The following COBLL1 variants were observed in gnomAD, a reference collection of about 807,000 sequenced individuals.
The protein encoded by COBLL1 is cordon-bleu protein-like 1.
In COBLL1, 50 loss-of-function variants were observed where a neutral mutation model predicts 94.8. That is an observed-to-expected ratio of 0.53 (90% CI 0.42 to 0.67). The LOEUF (loss-of-function observed/expected upper bound fraction) is 0.67. COBLL1 is among the 30% of genes least tolerant of loss of function. The pLI is 0.00. For synonymous variants in COBLL1, 448 were observed against 473.8 expected, an observed-to-expected ratio of 0.95 and a Z score of 0.71; for missense variants, 1,362 against 1,348.7, an observed-to-expected ratio of 1.01 and a Z score of -0.15.
At chr2:164,703,024 A>G in intron 9 of COBLL1, 1 of 766,980 alleles carries the variant, frequency 1.3e-6, no homozygotes, top group Admixed American at 2.4e-5. Context: ...CAAGGTTTCA[A>G]TAGCTCATCA....
At chr2:164,707,110 C>T (rs575999454) in intron 7 of COBLL1, among the ~76,000 whole-genome samples, 13 of 152,048 alleles carry the variant, frequency 8.5e-5, no homozygotes, top group African/African-American at 2.9e-4. Context: ...TCTGATAACT[C>T]GGTGTCCCTT....
At chr2:164,675,851 C>G (rs1411310488), downstream of COBLL1, among the ~76,000 whole-genome samples, 1 of 152,158 alleles carries the variant, frequency 6.6e-6, no homozygotes, top group Non-Finnish European at 1.5e-5. Context: ...AACATAAGCA[C>G]TGGCCACCTG....
chr2:164,792,964 A>T lies in COBLL1; in HGVS notation c.41+48192T>A, dbSNP rs1232651614. Among the ~76,000 whole-genome samples the T allele has an allele frequency of 2.6e-5, 4 of 152,102 alleles. No individual in the cohort carries two copies. In the East Asian group the frequency reaches 7.7e-4, roughly 29 times the overall value. Reference sequence around the variant, plus strand: ...CAGACACACCCTACAGTTCCTCCCCATAAAAATTCTTACCCCAAAACTCCA... The same window carrying T: ...CAGACACACCCTACAGTTCCTCCCCTTAAAAATTCTTACCCCAAAACTCCA... On this transcript the variant is annotated intron_variant, in intron 2 of 13. Transcript: ENST00000652658.
At chr2:164,730,146 A>C in intron 3 of COBLL1, 31 bp from the exon 4 acceptor site, 1 of 1,562,716 alleles carries the variant, frequency 6.4e-7, no homozygotes, top group Non-Finnish European at 8.8e-7. Flanking sequence ...ATTACCCGTT[A>C]TTGTTTTGAG....
intron 2 of COBLL1, among the ~76,000 whole-genome samples, chr2:164,792,817 C>T (rs750218930): frequency 2.6e-5 from 4 of 152,124 alleles, no homozygotes; most frequent in Non-Finnish European, 2.9e-5. Context: ...TCCTCAAACA[C>T]GCCTGTCCTG....
chr2:164,727,133 T>C (rs1354655119), intron 5 of COBLL1: 3 of 1,504,652 alleles, frequency 2.0e-6, no homozygotes, highest in Admixed American at 2.0e-5. Context: ...CTGAAGACAG[T>C]AACAGAAGTG....
At chr2:164,692,966 A>T (rs1476839120) in intron 12 of COBLL1, among the ~76,000 whole-genome samples, 1 of 152,134 alleles carries the variant, frequency 6.6e-6, no homozygotes, top group Non-Finnish European at 1.5e-5. Flanking sequence ...TTTTGCCATG[A>T]GAATCAATAT....
At chr2:164,745,548 T>C (rs561608565) in intron 2 of COBLL1, among the ~76,000 whole-genome samples, 2 of 152,284 alleles carry the variant, frequency 1.3e-5, no homozygotes, top group South Asian at 4.1e-4. Flanking sequence ...TAAGACTCAG[T>C]TCCTATTCCT....
chr2:164,716,546 G>C (rs1031882630), intron 7 of COBLL1, among the ~76,000 whole-genome samples: 2 of 152,156 alleles, frequency 1.3e-5, no homozygotes, highest in South Asian at 4.1e-4. Context: ...TTAGGGATTT[G>C]AAAGGATACT....
intron 2 of COBLL1, among the ~76,000 whole-genome samples, chr2:164,822,636 T>C (rs1685220238): frequency 6.6e-6 from 1 of 152,084 alleles, no homozygotes; most frequent in African/African-American, 2.4e-5. Context: ...TCTAATGAGA[T>C]GAACTAATCT....
intron 2 of COBLL1, among the ~76,000 whole-genome samples, chr2:164,755,971 TTACTC>T (rs1687378873): frequency 6.6e-6 from 1 of 152,084 alleles, no homozygotes; most frequent in Non-Finnish European, 1.5e-5. Context: ...TTTGTTCACC[TTACTC>T]TAAATACATT....
intron 2 of COBLL1, among the ~76,000 whole-genome samples, chr2:164,658,934 G>A (rs1032471975): frequency 2.6e-5 from 4 of 152,046 alleles, no homozygotes; most frequent in African/African-American, 9.7e-5. Context: ...CTGCTTGACA[G>A]TTCCCTTCTA....
intron 11 of COBLL1, 78 bp from the exon 12 acceptor site, chr2:164,695,914 C>G (rs1683921770): frequency 2.6e-6 from 3 of 1,136,116 alleles, no homozygotes; most frequent in Non-Finnish European, 3.7e-6. Context: ...CTTTCTCCAA[C>G]CTGAAATAGT....
At chr2:164,823,135 C>T (rs1463718901) in intron 2 of COBLL1, among the ~76,000 whole-genome samples, 1 of 152,040 alleles carries the variant, frequency 6.6e-6, no homozygotes, top group Non-Finnish European at 1.5e-5. Context: ...TTACACTGCC[C>T]TGGTGGTTGT....
Position 164,695,103 on chromosome 2 carries a change from A to G in COBLL1, c.2289T>C (p.Ala763=). Residue 763 remains alanine, a synonymous_variant, in exon 12 of 14, where the codon GCT becomes GCC. Coordinates refer to ENST00000652658, the MANE Select transcript of COBLL1 (RefSeq NM_001365672.2). ...IEYKDDQDMH[A]LGKKHTHENV... ...TCTCATGAGTGTGCTTTTTCCCTAA[A>G]GCATGCATGTCCTGATCATCTTTAT... 1 of 1,613,814 alleles carries G rather than the reference A, an allele frequency of 6.2e-7. No homozygotes were observed.
chr2:164,731,594 C>G (rs768683534), intron 3 of COBLL1, among the ~76,000 whole-genome samples: 6 of 152,196 alleles, frequency 3.9e-5, no homozygotes, highest in South Asian at 2.1e-4. Context: ...GAATAAGGCA[C>G]TAAACCGCAG....
chr2:164,694,388 C>G lies in COBLL1; in HGVS notation c.3004G>C (p.Glu1002Gln). The change falls in exon 12 of 14, where the codon GAG becomes CAG. Residue 1002 changes from glutamate (E) to glutamine (Q), a missense_variant. Glu to Gln is a conservative substitution (Grantham distance 29). Transcript: ENST00000652658. ...VVKRSQSFSKERTESPSASAL... is the reference protein window; with the variant it reads ...VVKRSQSFSKQRTESPSASAL... ...CTGGCACTAGGTGACTCGGTGCGCT[C>G]TTTACTGAAAGACTGTGACCTTTTC... 1 of 1,613,974 alleles carries G rather than the reference C, an allele frequency of 6.2e-7. No homozygotes were observed. The highest frequency in any genetic ancestry group is 8.5e-7 in the Non-Finnish European group (1 of 1,179,918).
rs778890399 is a variant in COBLL1 at position 164,695,433 on chromosome 2, G to C, written c.1959C>G (p.Thr653=). Reference sequence around the variant, plus strand: ...TGCCTTGACTCCTGAATTCCCTTGAGGTATTTACAGAATCTTGTGAACTTA... The same window carrying C: ...TGCCTTGACTCCTGAATTCCCTTGACGTATTTACAGAATCTTGTGAACTTA... The part of the protein sequence containing the change: ...SCLSSQDSVN[T]SREFRSQGTL... The change falls in exon 12 of 14, where the codon ACC becomes ACG. Residue 653 remains threonine (T), a synonymous_variant. Coordinates refer to ENST00000652658, the MANE Select transcript of COBLL1 (RefSeq NM_001365672.2). The C allele has an allele frequency of 6.2e-7, 1 of 1,613,752 alleles. No individual in the cohort carries two copies. The highest frequency in any genetic ancestry group is 1.1e-5 in the South Asian group (1 of 91,048).
At chr2:164,764,082 G>A (rs1687823847) in intron 2 of COBLL1, among the ~76,000 whole-genome samples, 1 of 152,158 alleles carries the variant, frequency 6.6e-6, no homozygotes, top group African/African-American at 2.4e-5. Context: ...TTGTTTAGTA[G>A]AGACAGGGTC....
Sources: allele counts gnomAD v4.1 joint callset (sites outside exome capture counted in the v4.1 genomes callset), GRCh38; gene constraint gnomAD v4.1.1; transcripts MANE v1.5; gene names NCBI Gene and HGNC (gene_info 2026-07-23, HGNC 2026-07-21).